EFR3A: variants seen among roughly 807,000 people sequenced by gnomAD.
EFR3A encodes protein EFR3 homolog A.
Under a neutral mutation model 104.4 loss-of-function variants are expected in EFR3A, and 76 were observed. The ratio of observed to expected loss-of-function variants is 0.73; its 90% CI spans 0.60 to 0.88. The LOEUF (loss-of-function observed/expected upper bound fraction) is 0.88, where lower values mean the gene tolerates loss of function less well. EFR3A is among the 40% of genes least tolerant of loss of function. EFR3A has a pLI of 0.00. For missense variants in EFR3A, 985 were observed against 1,012.5 expected, an observed-to-expected ratio of 0.97 and a Z score of 0.37; for synonymous variants, 330 against 330.0, an observed-to-expected ratio of 1.00 and a Z score of 0.00.
chr8:131,909,286 C>T (rs1219294390), intron 1 of EFR3A, among the ~76,000 whole-genome samples: 1 of 152,154 alleles, frequency 6.6e-6, no homozygotes, highest in Non-Finnish European at 1.5e-5. Context: ...TGCAGTGGCT[C>T]ACATCTGTAA....
At chr8:131,991,092 A>G (rs181317828) in intron 18 of EFR3A, among the ~76,000 whole-genome samples, 4 of 152,304 alleles carry the variant, frequency 2.6e-5, no homozygotes, top group Admixed American at 2.6e-4. Flanking sequence ...TGGCTGGGGA[A>G]GGTCTCACAA....
Position 131,944,863 on chromosome 8 carries a change from A to G in EFR3A, c.206A>G (p.His69Arg). ...AGGTTGAGCAGGGATGTTGTCAGACATCGTTCTGGGTAAGGAAACTAATGG... is the reference window on the plus strand; with the variant it reads ...AGGTTGAGCAGGGATGTTGTCAGACGTCGTTCTGGGTAAGGAAACTAATGG... ...AERLSRDVVR[H>R]RSGYVLIAME... Residue 69 changes from histidine (H) to arginine (R), a missense_variant, in exon 3 of 23, where the codon CAT becomes CGT. Physicochemically the swap from His to Arg is conservative, Grantham distance 29 (BLOSUM62 0). Transcript: ENST00000254624. 4 of 1,609,892 alleles carry G rather than the reference A, an allele frequency of 2.5e-6. No individual in the cohort carries two copies. In the South Asian group the frequency reaches 4.4e-5, roughly 18 times the overall value.
At chr8:131,963,623 G>A (rs890457925) in intron 8 of EFR3A, among the ~76,000 whole-genome samples, 37 of 152,170 alleles carry the variant, frequency 2.4e-4, no homozygotes, top group Non-Finnish European at 2.9e-5. Context: ...TGGATTCACA[G>A]CCGATTTCTA....
intron 15 of EFR3A, among the ~76,000 whole-genome samples, chr8:131,984,583 T>C (rs1178141693): frequency 6.6e-6 from 1 of 152,128 alleles, no homozygotes; most frequent in African/African-American, 2.4e-5. Flanking sequence ...GGGGGGATAG[T>C]CATTAAATAA....
At chr8:131,938,047 T>C (rs1817993891) in intron 1 of EFR3A, among the ~76,000 whole-genome samples, 1 of 152,092 alleles carries the variant, frequency 6.6e-6, no homozygotes, top group Non-Finnish European at 1.5e-5. Flanking sequence ...GAACTTGATA[T>C]GGATATTATC....
At chr8:131,980,967 A>T (rs1012138147) in intron 14 of EFR3A, among the ~76,000 whole-genome samples, 1 of 151,678 alleles carries the variant, frequency 6.6e-6, no homozygotes, top group Non-Finnish European at 1.5e-5. Context: ...GTTCATCCAT[A>T]TTGTCAAAAA....
intron 1 of EFR3A, among the ~76,000 whole-genome samples, chr8:131,933,744 T>G (rs1041145971): frequency 6.6e-6 from 1 of 151,588 alleles, no homozygotes; most frequent in Admixed American, 6.6e-5. Context: ...AAAATTGTAA[T>G]AGTGGGAAAA....
At chr8:131,987,921 A>G (rs1433177961) in intron 18 of EFR3A, among the ~76,000 whole-genome samples, 1 of 152,148 alleles carries the variant, frequency 6.6e-6, no homozygotes, top group Non-Finnish European at 1.5e-5. Flanking sequence ...ACCAGGAGCA[A>G]ATCAAGTCCT....
intron 1 of EFR3A, among the ~76,000 whole-genome samples, chr8:131,936,747 C>T (rs906654857): frequency 4.6e-5 from 7 of 151,974 alleles, no homozygotes; most frequent in Admixed American, 1.3e-4. Context: ...GATGAACAGC[C>T]GGATGGAAAA....
At position 131,904,184 on chromosome 8, in the gene EFR3A, A is replaced by G. The variant is rs1249005040; in HGVS notation, c.-129A>G. The G allele has an allele frequency of 5.5e-6, 6 of 1,083,836 alleles. No individual in the cohort carries two copies. Among genetic ancestry groups the G allele is most frequent in the Non-Finnish European group, 7.1e-6 (6 of 851,054 alleles). The allele number at this position is 1,083,836 out of a possible 1,614,324, so 67.1% of individuals were successfully genotyped here. Reference sequence around the variant, plus strand: ...CGCGGGGTCCGCGTCCGCTCCCTCCACCCTTCGCCCTTCGCCCTTCGCCTC... The same window carrying G: ...CGCGGGGTCCGCGTCCGCTCCCTCCGCCCTTCGCCCTTCGCCCTTCGCCTC... On this transcript the variant is annotated 5_prime_UTR_variant, in exon 1 of 23. Coordinates refer to ENST00000254624, the MANE Select transcript of EFR3A (RefSeq NM_015137.6).
At chr8:131,946,752 C>T in intron 4 of EFR3A, 119 bp downstream of exon 4, 3 of 926,448 alleles carry the variant, frequency 3.2e-6, no homozygotes, top group Non-Finnish European at 4.5e-6. Flanking sequence ...TTTGAACAGT[C>T]AACACAAATT....
intron 10 of EFR3A, among the ~76,000 whole-genome samples, chr8:131,973,670 T>C (rs938868190): frequency 7.2e-5 from 11 of 152,184 alleles, no homozygotes; most frequent in African/African-American, 2.7e-4. Flanking sequence ...TTCCTGTCGG[T>C]GGGCCATGGA....
At chr8:131,910,759 A>G (rs1259265796) in intron 1 of EFR3A, among the ~76,000 whole-genome samples, 5 of 152,044 alleles carry the variant, frequency 3.3e-5, no homozygotes, top group African/African-American at 4.8e-5. Context: ...ACATGGCTCA[A>G]CTCTGGTGTG....
At chr8:131,910,766 T>C (rs1187324604) in intron 1 of EFR3A, among the ~76,000 whole-genome samples, 1 of 152,168 alleles carries the variant, frequency 6.6e-6, no homozygotes. Context: ...TCAACTCTGG[T>C]GTGGAATGAT....
At chr8:131,961,015 G>A (rs889767398) in intron 8 of EFR3A, among the ~76,000 whole-genome samples, 1 of 152,140 alleles carries the variant, frequency 6.6e-6, no homozygotes, top group Non-Finnish European at 1.5e-5. Context: ...ACTGTTAGAA[G>A]GAAAGCTAAC....
intron 1 of EFR3A, among the ~76,000 whole-genome samples, chr8:131,921,179 A>G (rs542098906): frequency 6.6e-6 from 1 of 152,284 alleles, no homozygotes; most frequent in African/African-American, 2.4e-5. Flanking sequence ...TTATTGTCTC[A>G]CTATTCTGGA....
At chr8:132,006,252 A>T (rs543307085) in intron 22 of EFR3A, among the ~76,000 whole-genome samples, 1 of 152,178 alleles carries the variant, frequency 6.6e-6, no homozygotes, top group Non-Finnish European at 1.5e-5. Context: ...TAGGCAAACA[A>T]TAGAAAATAT....
rs1821838064 is a variant in EFR3A, at chr8:132,002,621, A to T, written c.2225A>T (p.Glu742Val). The change falls in exon 21 of 23, where the codon GAA becomes GTA. Residue 742 changes from glutamate to valine, a missense_variant. By Grantham distance (121) the Glu-to-Val change is moderately radical. Coordinates refer to ENST00000254624, the MANE Select transcript of EFR3A (RefSeq NM_015137.6). ...KKAIDTSGME[E>V]QEKEKRRLVI... The stretch of plus-strand genomic sequence containing the variant: ...TGTATAGATACCAGTGGAATGGAAG[A>T]ACAGGAAAAGGAAAAGAGGCGTCTT... The T allele has an allele frequency of 6.2e-7, 1 of 1,613,446 alleles. No individual in the cohort carries two copies. The highest frequency in any genetic ancestry group is 8.5e-7 in the Non-Finnish European group (1 of 1,179,544).
At chr8:131,913,819 C>G (rs1226658674) in intron 1 of EFR3A, among the ~76,000 whole-genome samples, 1 of 152,132 alleles carries the variant, frequency 6.6e-6, no homozygotes, top group African/African-American at 2.4e-5. Context: ...TGTAAGGTGT[C>G]CAAGGTTGGC....
Sources: allele counts gnomAD v4.1 joint callset (sites outside exome capture counted in the v4.1 genomes callset), GRCh38; gene constraint gnomAD v4.1.1; transcripts MANE v1.5; gene names NCBI Gene and HGNC (gene_info 2026-07-23, HGNC 2026-07-21).